Variants in NRCAM observed in about 807,000 individuals in gnomAD.
NRCAM encodes the protein neuronal cell adhesion molecule.
NRCAM carries 83 observed loss-of-function variants against 156.5 expected under a neutral mutation model. The ratio of observed to expected loss-of-function variants is 0.53; its 90% CI spans 0.44 to 0.64. The LOEUF (loss-of-function observed/expected upper bound fraction) is 0.64. NRCAM is among the 30% of genes least tolerant of loss of function. The pLI, the probability that NRCAM is intolerant of heterozygous loss-of-function variation, is 0.00. For synonymous variants in NRCAM, 538 were observed against 563.9 expected, an observed-to-expected ratio of 0.95 and a Z score of 0.65; for missense variants, 1,417 against 1,597.3, an observed-to-expected ratio of 0.89 and a Z score of 1.92.
intron 2 of NRCAM, among the ~76,000 whole-genome samples, chr7:108,399,110 A>G (rs1356568690): frequency 6.6e-6 from 1 of 152,282 alleles, no homozygotes; most frequent in African/African-American, 2.4e-5. Flanking sequence ...GAGACCCTAA[A>G]TACATAAGAA....
chr7:108,300,628 G>A (rs1563171582), intron 3 of NRCAM, among the ~76,000 whole-genome samples: 1 of 152,130 alleles, frequency 6.6e-6, no homozygotes, highest in Non-Finnish European at 1.5e-5. Context: ...TAGGCTAGGT[G>A]GAAGTGTAAG....
chr7:108,267,544 G>A (rs924011092), intron 3 of NRCAM, among the ~76,000 whole-genome samples: 64 of 151,836 alleles, frequency 4.2e-4, no homozygotes, highest in Non-Finnish European at 2.2e-4. Flanking sequence ...AGTAACTTAG[G>A]AAAAAACAAA....
chr7:108,331,439 C>T lies in NRCAM; in HGVS notation c.-173-18708G>A, dbSNP rs540443801. Among the ~76,000 whole-genome samples, 43 of 152,072 alleles carry T rather than the reference C, an allele frequency of 2.8e-4. 1 individual carries two copies. The highest frequency in any genetic ancestry group is 1.5e-3 in the Admixed American group (23 of 15,260). The stretch of plus-strand genomic sequence containing the variant: ...AAAAATAGATATAATCAGAAATTTT[C>T]GGCTTTTAATAAAGTACTTACTATG... On this transcript the variant is annotated intron_variant, in intron 2 of 32. Transcript: ENST00000379028.
At chr7:108,173,627 T>G (rs2152123567) in intron 28 of NRCAM, among the ~76,000 whole-genome samples, 1 of 152,308 alleles carries the variant, frequency 6.6e-6, no homozygotes, top group East Asian at 1.9e-4. Context: ...GCTATACTAT[T>G]AAAATAAACC....
At chr7:108,427,366 G>A (rs1818703564) in intron 1 of NRCAM, among the ~76,000 whole-genome samples, 1 of 152,224 alleles carries the variant, frequency 6.6e-6, no homozygotes, top group East Asian at 1.9e-4. Context: ...CGACAAGGCT[G>A]TTAAAGTAAG....
At chr7:108,266,444 A>G (rs910684779) in intron 3 of NRCAM, among the ~76,000 whole-genome samples, 2 of 152,222 alleles carry the variant, frequency 1.3e-5, no homozygotes, top group South Asian at 4.1e-4. Flanking sequence ...GATGAGGCTT[A>G]TGGTCATCTG....
chr7:108,409,295 T>C lies in NRCAM; in HGVS notation c.-331-9702A>G, dbSNP rs930330900. ...CTAAATAGAAATGGATGACATATTTTACATCCTGCATAGGAAGGAAAGTAA... is the reference window on the plus strand; with the variant it reads ...CTAAATAGAAATGGATGACATATTTCACATCCTGCATAGGAAGGAAAGTAA... On this transcript the variant is annotated intron_variant, in intron 1 of 32. Transcript: ENST00000379028. 1.6e-4 allele frequency among the ~76,000 whole-genome samples: 25 copies of C among 152,252 alleles called. 1 individual carries two copies.
chr7:108,161,179 G>C (rs980754000), intron 30 of NRCAM, among the ~76,000 whole-genome samples: 1 of 152,132 alleles, frequency 6.6e-6, no homozygotes, highest in Non-Finnish European at 1.5e-5. Flanking sequence ...ATTCGTTATT[G>C]CTAAGGATCC....
chr7:108,454,852 A>T (rs1854729646), intron 1 of NRCAM, among the ~76,000 whole-genome samples: 1 of 152,196 alleles, frequency 6.6e-6, no homozygotes, highest in Non-Finnish European at 1.5e-5. Context: ...AGCGTTAACC[A>T]TCTGGGACTC....
At chr7:108,340,581 A>G (rs1273606612) in intron 2 of NRCAM, among the ~76,000 whole-genome samples, 1 of 152,212 alleles carries the variant, frequency 6.6e-6, no homozygotes, top group African/African-American at 2.4e-5. Flanking sequence ...GCCAGCAGGA[A>G]GTTCCCAGTG....
chr7:108,309,181 T>C (rs1260313201), intron 3 of NRCAM, among the ~76,000 whole-genome samples: 1 of 152,220 alleles, frequency 6.6e-6, no homozygotes, highest in Non-Finnish European at 1.5e-5. Flanking sequence ...CCAAGTATGC[T>C]AATGTTTCAA....
intron 2 of NRCAM, among the ~76,000 whole-genome samples, chr7:108,337,861 C>T (rs983924038): frequency 4.6e-5 from 7 of 152,204 alleles, no homozygotes; most frequent in Non-Finnish European, 1.0e-4. Flanking sequence ...CACGAAGGGA[C>T]CTCCAAAGCG....
chr7:108,370,615 C>T (rs2193245), intron 2 of NRCAM, among the ~76,000 whole-genome samples: 152,145 of 152,244 alleles, frequency 1, 76,024 homozygotes, highest in Middle Eastern at 1. Flanking sequence ...AAATATTTAA[C>T]TCATTGGCCC....
chr7:108,289,626 T>C (rs937606137), intron 3 of NRCAM, among the ~76,000 whole-genome samples: 4 of 152,136 alleles, frequency 2.6e-5, no homozygotes, highest in African/African-American at 4.8e-5. Flanking sequence ...ACTCAAGAAA[T>C]GGTTGTTGAA....
At chr7:108,290,712 T>C (rs1229953584) in intron 3 of NRCAM, among the ~76,000 whole-genome samples, 1 of 152,198 alleles carries the variant, frequency 6.6e-6, no homozygotes, top group African/African-American at 2.4e-5. Flanking sequence ...AAATGAACTG[T>C]AATCGTTTTT....
At chr7:108,364,067 G>A (rs1042741582) in intron 2 of NRCAM, among the ~76,000 whole-genome samples, 13 of 152,166 alleles carry the variant, frequency 8.5e-5, no homozygotes, top group African/African-American at 2.7e-4. Flanking sequence ...AAATATACCA[G>A]CCAAATGCAA....
intron 3 of NRCAM, among the ~76,000 whole-genome samples, chr7:108,292,310 G>T (rs950386243): frequency 1.3e-5 from 2 of 152,142 alleles, no homozygotes; most frequent in South Asian, 2.1e-4. Context: ...GTTGGCACTA[G>T]ATGCTTATTC....
intron 2 of NRCAM, among the ~76,000 whole-genome samples, chr7:108,344,851 T>G (rs1195570109): frequency 2.0e-5 from 3 of 152,200 alleles, no homozygotes; most frequent in Admixed American, 6.5e-5. Context: ...TGGGCAATAA[T>G]GTCCTAACCT....
intron 4 of NRCAM, among the ~76,000 whole-genome samples, chr7:108,239,176 T>C (rs539434309): frequency 6.6e-6 from 1 of 152,282 alleles, no homozygotes; most frequent in East Asian, 1.9e-4. Flanking sequence ...CCTAGCATTA[T>C]CTTTATTTTT....
Sources: allele counts gnomAD v4.1 joint callset (sites outside exome capture counted in the v4.1 genomes callset), GRCh38; gene constraint gnomAD v4.1.1; transcripts MANE v1.5; gene names NCBI Gene and HGNC (gene_info 2026-07-23, HGNC 2026-07-21).